Variants in TNKS observed in about 807,000 individuals in gnomAD.
TNKS encodes the protein poly [ADP-ribose] polymerase tankyrase-1.
In TNKS, 72 loss-of-function variants were observed where a neutral mutation model predicts 135.8. The observed-to-expected ratio is 0.53, with a 90% CI of 0.44 to 0.64. The LOEUF is 0.64. Ranked by LOEUF, TNKS falls within the 30% of genes least tolerant of loss-of-function variation. The pLI is 0.00. For missense variants in TNKS, 1,769 were observed against 1,674.0 expected, an observed-to-expected ratio of 1.06 and a Z score of -0.99; for synonymous variants, 849 against 649.3, an observed-to-expected ratio of 1.31 and a Z score of -4.68.
In TNKS at chr8:9,778,299, G is replaced by C. The variant is rs116112276; in HGVS notation, c.*1563G>C. The C allele has an allele frequency of 1.3e-5, 2 of 152,312 alleles. No homozygotes were observed. The highest frequency in any genetic ancestry group is 2.9e-5 in the Non-Finnish European group (2 of 68,028). 9.4% of individuals were successfully genotyped at this position (152,312 alleles called of 1,614,324 possible). A position where few individuals can be genotyped will look rare whatever the true frequency, so the allele number is the denominator to read the frequency against. Reference sequence around the variant, plus strand: ...CACGAGGAGGAATAGGAAAGACAGTGTGACACAAACTTGCCATTGCAATTC... The same window carrying C: ...CACGAGGAGGAATAGGAAAGACAGTCTGACACAAACTTGCCATTGCAATTC... On this transcript the variant is annotated 3_prime_UTR_variant, in exon 27 of 27. Coordinates refer to ENST00000310430, the MANE Select transcript of TNKS (RefSeq NM_003747.3).
chr8:9,599,988 G>A (rs1042284531), intron 2 of TNKS, among the ~76,000 whole-genome samples: 1 of 152,146 alleles, frequency 6.6e-6, no homozygotes, highest in South Asian at 2.1e-4. Context: ...TATTCACATG[G>A]ATGAATTTTT....
chr8:9,669,162 T>C (rs1802146044), intron 3 of TNKS, among the ~76,000 whole-genome samples: 1 of 152,030 alleles, frequency 6.6e-6, no homozygotes, highest in South Asian at 2.1e-4. Context: ...CTCACGCCTG[T>C]AATCCCAGCA....
intron 2 of TNKS, among the ~76,000 whole-genome samples, chr8:9,603,982 T>C (rs1799121951): frequency 6.6e-6 from 1 of 151,916 alleles, no homozygotes. Context: ...ATGTTAATAA[T>C]TGAAGAGGAT....
chr8:9,655,572 T>C (rs1315677625), intron 3 of TNKS, among the ~76,000 whole-genome samples: 2 of 152,138 alleles, frequency 1.3e-5, no homozygotes, highest in Non-Finnish European at 2.9e-5. Flanking sequence ...GACAGCAGCA[T>C]TTGCGGTTCA....
chr8:9,574,013 A>G (rs946678399), intron 1 of TNKS, among the ~76,000 whole-genome samples: 1 of 152,206 alleles, frequency 6.6e-6, no homozygotes, highest in East Asian at 1.9e-4. Context: ...TAAATTTGAT[A>G]TTGAAATATT....
At chr8:9,634,993 G>T (rs376020100) in intron 3 of TNKS, among the ~76,000 whole-genome samples, 46 of 151,120 alleles carry the variant, frequency 3.0e-4, no homozygotes, top group Middle Eastern at 3.4e-3. Flanking sequence ...GTGAAACCCC[G>T]TCTCTACTAA....
intron 17 of TNKS, among the ~76,000 whole-genome samples, chr8:9,746,904 A>ATTTTTTT: frequency 2.5e-5 from 1 of 40,726 alleles, no homozygotes. Context: ...TTTTTTTGAG[A>ATTTTTTT]CGGAGCCTTG....
chr8:9,557,768 T>G (rs560801211), intron 1 of TNKS: 2 of 152,318 alleles, frequency 1.3e-5, no homozygotes, highest in Non-Finnish European at 2.9e-5. Context: ...GTTGACCCAC[T>G]GTAGTATTTA....
At chr8:9,771,340 AAGGGAAG>A (rs1807836013) in intron 26 of TNKS, among the ~76,000 whole-genome samples, 1 of 96,528 alleles carries the variant, frequency 1.0e-5, no homozygotes. Context: ...GAGAGAGAGG[AAGGGAAG>A]CAGGGAGGGA....
At chr8:9,607,365 T>C (rs958631132) in intron 2 of TNKS, among the ~76,000 whole-genome samples, 3 of 152,210 alleles carry the variant, frequency 2.0e-5, no homozygotes, top group African/African-American at 7.2e-5. Context: ...CTGAAGAAGA[T>C]CTACATTTAT....
chr8:9,763,043 A>T, intron 21 of TNKS, 104 bp from the exon 22 acceptor site: 1 of 503,272 alleles, frequency 2.0e-6, no homozygotes, highest in Non-Finnish European at 3.2e-6. Context: ...TTGTTCCAAA[A>T]CCTCAATTAC....
chr8:9,663,535 C>G (rs954171301), intron 3 of TNKS, among the ~76,000 whole-genome samples: 3 of 152,202 alleles, frequency 2.0e-5, no homozygotes, highest in African/African-American at 7.2e-5. Flanking sequence ...CTAACACTGT[C>G]TGCTTGGAAT....
chr8:9,583,164 C>CA (rs35527299), intron 2 of TNKS, among the ~76,000 whole-genome samples: 2,592 of 71,190 alleles, frequency 0.036, 78 homozygotes, highest in African/African-American at 0.11. Context: ...GACTCTGTCT[C>CA]AAAAAAAAAA....
intron 3 of TNKS, among the ~76,000 whole-genome samples, chr8:9,677,788 TTC>T (rs2128796013): frequency 6.6e-6 from 1 of 152,334 alleles, no homozygotes; most frequent in Non-Finnish European, 1.5e-5. Flanking sequence ...TTTCCATTTC[TTC>T]TCTGTCTCGT....
intron 2 of TNKS, among the ~76,000 whole-genome samples, chr8:9,609,644 C>G (rs1394753285): frequency 6.6e-6 from 1 of 152,102 alleles, no homozygotes; most frequent in Non-Finnish European, 1.5e-5. Flanking sequence ...GCTGGTAATT[C>G]TTTAACTGTC....
At position 9,680,739 on chromosome 8, in the gene TNKS, A is replaced by G; in HGVS notation, c.1046A>G (p.Glu349Gly). Residue 349 changes from glutamate to glycine, a missense_variant, in exon 5 of 27, where the codon GAA becomes GGA. Transcript: ENST00000310430. ...CCTTTTTATAGGAGTGGTAATGAAG[A>G]AAAACTAATGGCTTTACTGACTCCT... The part of the protein sequence containing the change: ...LLEAARSGNE[E>G]KLMALLTPLN... The G allele has an allele frequency of 6.2e-7, 1 of 1,612,124 alleles. No homozygotes were observed. The highest frequency in any genetic ancestry group is 1.1e-5 in the South Asian group (1 of 90,804).
chr8:9,722,170 A>G (rs6422356), intron 12 of TNKS, among the ~76,000 whole-genome samples: 134,626 of 152,080 alleles, frequency 0.89, 59,974 homozygotes, highest in Non-Finnish European at 0.94. Context: ...GATTGGACAC[A>G]ACTATATTAG....
chr8:9,732,883 A>G (rs1805514622), intron 14 of TNKS, among the ~76,000 whole-genome samples: 1 of 152,128 alleles, frequency 6.6e-6, no homozygotes, highest in Admixed American at 6.5e-5. Flanking sequence ...CTGAATCACC[A>G]CTATGATTAA....
chr8:9,561,109 C>A (rs1404280546), intron 1 of TNKS, among the ~76,000 whole-genome samples: 2 of 152,130 alleles, frequency 1.3e-5, no homozygotes, highest in Admixed American at 6.6e-5. Context: ...CATATATGTT[C>A]TTTTATCCGT....
Sources: allele counts gnomAD v4.1 joint callset (sites outside exome capture counted in the v4.1 genomes callset), GRCh38; gene constraint gnomAD v4.1.1; transcripts MANE v1.5; gene names NCBI Gene and HGNC (gene_info 2026-07-23, HGNC 2026-07-21).